The following PLCG2 variants were observed in gnomAD, a reference collection of about 807,000 sequenced individuals.
PLCG2 encodes the protein 1-phosphatidylinositol 4,5-bisphosphate phosphodiesterase gamma-2.
Under a neutral mutation model 175.6 loss-of-function variants are expected in PLCG2, and 69 were observed. That is an observed-to-expected ratio of 0.39 (90% CI 0.32 to 0.48). The LOEUF (loss-of-function observed/expected upper bound fraction) is 0.48, where lower values mean the gene tolerates loss of function less well. Among genes scored for constraint, PLCG2 ranks in the 20% least tolerant of loss-of-function variants. The pLI is 0.91. For missense variants in PLCG2, 1,798 were observed against 1,650.9 expected (o/e 1.09, Z -1.54); for synonymous variants, 827 against 624.0 (o/e 1.33, Z -4.85).
At chr16:81,776,168 G>A (rs1027126696), upstream of PLCG2, among the ~76,000 whole-genome samples, 1 of 144,788 alleles carries the variant, frequency 6.9e-6, no homozygotes, top group Non-Finnish European at 1.5e-5. Context: ...GAGTGCAGTG[G>A]TACAATCTCG....
intron 1 of PLCG2, chr16:81,783,047 TG>T: frequency 2.2e-6 from 1 of 447,796 alleles, no homozygotes; most frequent in Non-Finnish European, 4.4e-6. Flanking sequence ...ACTGGGACCC[TG>T]GGGAAGGTTA....
intron 8 of PLCG2, among the ~76,000 whole-genome samples, chr16:81,882,435 A>G (rs1313042862): frequency 6.6e-6 from 1 of 152,076 alleles, no homozygotes; most frequent in Non-Finnish European, 1.5e-5. Flanking sequence ...AGAGCACTCA[A>G]TGACCCAGGG....
chr16:81,843,653 T>C (rs1905953780), intron 2 of PLCG2, among the ~76,000 whole-genome samples: 1 of 152,262 alleles, frequency 6.6e-6, no homozygotes, highest in Non-Finnish European at 1.5e-5. Context: ...GTACATAGGA[T>C]ACTATACAGT....
At chr16:81,782,748 C>T (rs745627563) in intron 1 of PLCG2, among the ~76,000 whole-genome samples, 1 of 152,208 alleles carries the variant, frequency 6.6e-6, no homozygotes, top group East Asian at 1.9e-4. Flanking sequence ...TCCAAAATCC[C>T]ACAAAACGAT....
At chr16:81,742,292 C>G (rs568368763) in intron 1 of PLCG2, among the ~76,000 whole-genome samples, 1 of 152,124 alleles carries the variant, frequency 6.6e-6, no homozygotes, top group East Asian at 1.9e-4. Context: ...TGCATTCAAC[C>G]TGCTAGGTGC....
chr16:81,818,017 C>G (rs1904627962), intron 2 of PLCG2, among the ~76,000 whole-genome samples: 1 of 152,178 alleles, frequency 6.6e-6, no homozygotes. Flanking sequence ...TTGTCATCTA[C>G]TCTCTGTTCC....
intron 2 of PLCG2, among the ~76,000 whole-genome samples, chr16:81,818,143 C>G (rs1340155482): frequency 1.3e-5 from 2 of 152,190 alleles, no homozygotes; most frequent in Non-Finnish European, 2.9e-5. Context: ...ATTCAGCCAG[C>G]TAGTGTGTTA....
intron 10 of PLCG2, 103 bp from the exon 11 acceptor site, chr16:81,891,369 C>T (rs1180256211): frequency 1.3e-6 from 1 of 745,706 alleles, no homozygotes; most frequent in East Asian, 2.5e-5. Context: ...TGATTTCCCG[C>T]ATCAGAGCTG....
chr16:81,769,516 T>C (rs1237059174), intron 2 of PLCG2, among the ~76,000 whole-genome samples: 1 of 151,482 alleles, frequency 6.6e-6, no homozygotes, highest in African/African-American at 2.4e-5. Flanking sequence ...TAATTCTAGG[T>C]CTTGAAAAAG....
At chr16:81,767,264 C>G (rs1006522367) in intron 2 of PLCG2, among the ~76,000 whole-genome samples, 1 of 151,252 alleles carries the variant, frequency 6.6e-6, no homozygotes, top group South Asian at 2.1e-4. Context: ...TGTGCCTCAG[C>G]CTCCCGAATA....
intron 26 of PLCG2, 62 bp downstream of exon 26, chr16:81,934,593 C>A: frequency 1.0e-6 from 1 of 988,390 alleles, no homozygotes; most frequent in Non-Finnish European, 1.6e-6. Context: ...CCTTTAGAGT[C>A]TGATATTTTC....
chr16:81,865,230 G>A (rs886548976), intron 5 of PLCG2, among the ~76,000 whole-genome samples: 2 of 152,096 alleles, frequency 1.3e-5, no homozygotes, highest in Non-Finnish European at 2.9e-5. Flanking sequence ...TGACCTGGGC[G>A]AGGCACTCTC....
intron 7 of PLCG2, 54 bp from the exon 8 acceptor site, chr16:81,880,856 T>G: frequency 1.3e-6 from 2 of 1,542,692 alleles, no homozygotes; most frequent in Middle Eastern, 1.7e-4. Context: ...TTTCCGTTTT[T>G]GCATTAAGTG....
Position 81,952,396 on chromosome 16 carries a change from G to T in PLCG2, c.3571-4299G>T, listed in dbSNP as rs142001658. ...CCCAGTCATTGGATTCTCAATTCCAGATATTGCTAAATATCATATGCCAAT... is the reference window on the plus strand; with the variant it reads ...CCCAGTCATTGGATTCTCAATTCCATATATTGCTAAATATCATATGCCAAT... On this transcript the variant is annotated intron_variant, in intron 31 of 32. Coordinates refer to ENST00000564138, the MANE Select transcript of PLCG2 (RefSeq NM_002661.5). Among the ~76,000 whole-genome samples the T allele has an allele frequency of 1.8e-4, 27 of 152,266 alleles. No homozygotes were observed. In the East Asian group the frequency reaches 4.0e-3, roughly 23 times the overall value.
chr16:81,905,501 T>G lies in PLCG2; in HGVS notation c.1461T>G (p.Ile487Met). 1 of 1,612,840 alleles carries G rather than the reference T, an allele frequency of 6.2e-7. No individual in the cohort carries two copies. Among genetic ancestry groups the G allele is most frequent in the Non-Finnish European group, 8.5e-7 (1 of 1,178,828 alleles). ...GGGAGCTGTACATGTGGGATTCCAT[T>G]GACCAGGTGGGCCTTGGTCCCTTCC... ...QQGELYMWDS[I>M]DQKWTRHYCA... The change falls in exon 15 of 33, where the codon ATT becomes ATG. Residue 487 changes from isoleucine (I) to methionine (M), a missense_variant. Coordinates refer to ENST00000564138, the MANE Select transcript of PLCG2 (RefSeq NM_002661.5).
intron 26 of PLCG2, 104 bp from the exon 27 acceptor site, chr16:81,936,065 C>G (rs992980702): frequency 3.3e-6 from 5 of 1,500,050 alleles, no homozygotes; most frequent in Non-Finnish European, 4.4e-6. Flanking sequence ...GAGGGAGATT[C>G]CTGGTTTCCT....
At position 81,946,170 on chromosome 16, in the gene PLCG2, T is replaced by G; in HGVS notation, c.3482-5T>G. On this transcript the variant is annotated splice_region_variant and splice_polypyrimidine_tract_variant and intron_variant, in intron 30 of 32. Transcript: ENST00000564138. ...CTTTGCATTTTCCTCCTTGTTCTGC[T>G]TCAGGATTCAGGTCCGTTCCTCTGA... The G allele has an allele frequency of 6.2e-7, 1 of 1,612,088 alleles. No individual in the cohort carries two copies. Among genetic ancestry groups the G allele is most frequent in the Non-Finnish European group, 8.5e-7 (1 of 1,178,204 alleles).
rs539197347 is a variant in PLCG2, at chr16:81,962,057, G to A, written c.*4059G>A. On this transcript the variant is annotated 3_prime_UTR_variant, in exon 33 of 33. Transcript: ENST00000564138. ...CCATGTGCGTCCCTCCCGAAGCTGC[G>A]CGCTCCGTCGAAGAGGACGACCAAC... 26 of 188,496 alleles carry A rather than the reference G, an allele frequency of 1.4e-4. No individual in the cohort carries two copies. The South Asian group carries it at 2.5e-3, about 18-fold the overall frequency. The allele number at this position is 188,496 out of a possible 1,614,324, so 11.7% of individuals were successfully genotyped here.
chr16:81,767,629 G>A (rs1910182782), intron 2 of PLCG2: 1 of 151,784 alleles, frequency 6.6e-6, no homozygotes, highest in African/African-American at 2.4e-5. Context: ...CACCCTTTTT[G>A]ATATACAGTT....
Sources: allele counts gnomAD v4.1 joint callset (sites outside exome capture counted in the v4.1 genomes callset), GRCh38; gene constraint gnomAD v4.1.1; transcripts MANE v1.5; gene names NCBI Gene and HGNC (gene_info 2026-07-23, HGNC 2026-07-21).